GPHN: variants seen among roughly 807,000 people sequenced by gnomAD.
GPHN encodes gephyrin.
A neutral mutation model predicts 95.5 loss-of-function variants in GPHN; 17 were observed. That is an observed-to-expected ratio of 0.18 (90% CI 0.12 to 0.27). The LOEUF (loss-of-function observed/expected upper bound fraction) is 0.27, where lower values mean the gene tolerates loss of function less well. GPHN is among the 10% of genes least tolerant of loss of function. The probability of loss-of-function intolerance (pLI) is 1.00; values close to 1 mark genes in which losing one functional copy is unlikely to be tolerated. For synonymous variants in GPHN, 320 were observed against 322.5 expected (o/e 0.99, Z 0.08); for missense variants, 660 against 978.1 (o/e 0.67, Z 4.34).
the GPHN span, among the ~76,000 whole-genome samples, chr14:67,528,631 C>T: frequency 1.3e-5 from 2 of 152,312 alleles, no homozygotes; most frequent in South Asian, 4.1e-4. Context: ...CACCAGCTCC[C>T]AACTCAGGTG....
At chr14:67,411,552 T>C in the GPHN span, among the ~76,000 whole-genome samples, 1 of 151,940 alleles carries the variant, frequency 6.6e-6, no homozygotes, top group East Asian at 1.9e-4. Flanking sequence ...GGCTTCGTTT[T>C]CCCCCTTGAT....
intron 1 of GPHN, among the ~76,000 whole-genome samples, chr14:66,609,007 G>A (rs2062666346): frequency 6.6e-6 from 1 of 152,244 alleles, no homozygotes; most frequent in Non-Finnish European, 1.5e-5. Flanking sequence ...GATATGTGAA[G>A]TTTTGATACA....
chr14:67,615,173 G>A, the GPHN span: 1 of 152,416 alleles, frequency 6.6e-6, no homozygotes, highest in African/African-American at 2.4e-5. Context: ...AGGGGTCCTA[G>A]AGCTATGCAC....
intron 2 of GPHN, among the ~76,000 whole-genome samples, chr14:66,723,847 G>A (rs1034623953): frequency 3.9e-5 from 6 of 152,096 alleles, no homozygotes; most frequent in Non-Finnish European, 8.8e-5. Context: ...AATTAGGTTA[G>A]TTTTCATATT....
At chr14:66,932,481 C>A (rs74736571) in intron 8 of GPHN, among the ~76,000 whole-genome samples, 285 of 16,526 alleles carry the variant, frequency 0.017, 7 homozygotes, top group African/African-American at 0.051. Flanking sequence ...TTTTTTTTTT[C>A]AGTGCAGCAG....
chr14:67,344,365 T>C, the GPHN span, among the ~76,000 whole-genome samples: 1 of 152,222 alleles, frequency 6.6e-6, no homozygotes, highest in African/African-American at 2.4e-5. Context: ...TCAAATCATT[T>C]CTGCTTCAAC....
chr14:67,458,665 C>T, the GPHN span, among the ~76,000 whole-genome samples: 4 of 152,146 alleles, frequency 2.6e-5, no homozygotes, highest in Non-Finnish European at 4.4e-5. Context: ...TTTTCACTGA[C>T]CCCCTGCCAA....
intron 16 of GPHN, among the ~76,000 whole-genome samples, chr14:67,115,490 T>C (rs989699247): frequency 6.6e-6 from 1 of 152,188 alleles, no homozygotes; most frequent in African/African-American, 2.4e-5. Flanking sequence ...CCCAGCACTT[T>C]GGGAGGCCAA....
At chr14:67,658,607 A>G in the GPHN span, among the ~76,000 whole-genome samples, 1 of 152,194 alleles carries the variant, frequency 6.6e-6, no homozygotes, top group Non-Finnish European at 1.5e-5. Context: ...AAAAAAAATA[A>G]TAATAATTTC....
chr14:66,872,412 A>G (rs1032802221), intron 4 of GPHN, among the ~76,000 whole-genome samples: 1 of 152,218 alleles, frequency 6.6e-6, no homozygotes, highest in Non-Finnish European at 1.5e-5. Flanking sequence ...GAAATGGATT[A>G]AGTCATGTAT....
At chr14:67,427,426 G>A in the GPHN span, among the ~76,000 whole-genome samples, 1 of 152,172 alleles carries the variant, frequency 6.6e-6, no homozygotes, top group Admixed American at 6.5e-5. Context: ...TGCGGCCTTC[G>A]GCGGGCCCTG....
intron 3 of GPHN, among the ~76,000 whole-genome samples, chr14:66,786,880 T>C (rs1222835089): frequency 6.6e-6 from 1 of 152,114 alleles, no homozygotes; most frequent in East Asian, 1.9e-4. Context: ...CTTAACTTGA[T>C]TAAGAGCATC....
chr14:67,606,937 T>G, the GPHN span, among the ~76,000 whole-genome samples: 2 of 151,962 alleles, frequency 1.3e-5, no homozygotes, highest in South Asian at 4.2e-4. Context: ...TGAGCCACCC[T>G]GCCCGGCCAA....
At chr14:67,391,923 C>T in the GPHN span, among the ~76,000 whole-genome samples, 17 of 152,248 alleles carry the variant, frequency 1.1e-4, no homozygotes, top group Admixed American at 5.9e-4. Context: ...ATCAAGGAGG[C>T]GTGCAGAATC....
the GPHN span, among the ~76,000 whole-genome samples, chr14:67,216,786 T>C: frequency 1.3e-5 from 2 of 152,214 alleles, no homozygotes; most frequent in Non-Finnish European, 2.9e-5. Context: ...TTTTGATTTT[T>C]AAAAATTTTG....
the GPHN span, among the ~76,000 whole-genome samples, chr14:67,347,092 T>A: frequency 6.6e-6 from 1 of 152,066 alleles, no homozygotes; most frequent in Non-Finnish European, 1.5e-5. Flanking sequence ...CAAGCAATCC[T>A]CCCTCCTCAG....
chr14:67,087,041 A>C (rs1216047090), intron 11 of GPHN, among the ~76,000 whole-genome samples: 1 of 151,386 alleles, frequency 6.6e-6, no homozygotes, highest in Non-Finnish European at 1.5e-5. Flanking sequence ...CTGTCTCAAA[A>C]AAAAAAAAAA....
chr14:67,673,757 T>C, the GPHN span, among the ~76,000 whole-genome samples: 3 of 152,316 alleles, frequency 2.0e-5, no homozygotes, highest in East Asian at 3.9e-4. Context: ...GCTTTTCCTA[T>C]GGATTTAGGG....
the GPHN span, chr14:67,338,666 A>T: frequency 1.2e-6 from 2 of 1,614,042 alleles, no homozygotes; most frequent in African/African-American, 2.7e-5. Context: ...CCAGAAGATT[A>T]GCAGGCTCCA....
Sources: allele counts gnomAD v4.1 joint callset (sites outside exome capture counted in the v4.1 genomes callset), GRCh38; gene constraint gnomAD v4.1.1; transcripts MANE v1.5; gene names NCBI Gene and HGNC (gene_info 2026-07-23, HGNC 2026-07-21).